Variants in PTPRB observed in about 807,000 individuals in gnomAD.
The protein encoded by PTPRB is protein tyrosine phosphatase receptor type B, also known as receptor-type tyrosine-protein phosphatase beta.
PTPRB carries 97 observed loss-of-function variants against 238.1 expected under a neutral mutation model. The observed-to-expected ratio is 0.41, with a 90% CI of 0.35 to 0.48. PTPRB has a LOEUF of 0.48. Among genes scored for constraint, PTPRB ranks in the 20% least tolerant of loss-of-function variants. The probability of loss-of-function intolerance (pLI) is 0.30; values close to 1 mark genes in which losing one functional copy is unlikely to be tolerated. For synonymous variants in PTPRB, 970 were observed against 995.4 expected (o/e 0.97, Z 0.48); for missense variants, 2,292 against 2,681.9 (o/e 0.85, Z 3.21).
intron 4 of PTPRB, among the ~76,000 whole-genome samples, chr12:70,607,200 C>T (rs1360414100): frequency 6.6e-6 from 1 of 152,218 alleles, no homozygotes; most frequent in African/African-American, 2.4e-5. Flanking sequence ...AAAAGTAAAT[C>T]CTCTGGTTTA....
rs1878171285 is a variant in PTPRB at position 70,559,444 on chromosome 12, T to C, written c.4613A>G (p.Tyr1538Cys). The change falls in exon 18 of 34, where the codon TAT becomes TGT. Residue 1538 changes from tyrosine (Y) to cysteine (C), a missense_variant. This residue lies in a region of PTPRB where 683 missense variants were observed against 862.0 expected (regional missense o/e 0.79). Coordinates refer to ENST00000334414, the MANE Select transcript of PTPRB (RefSeq NM_001109754.4). The stretch of plus-strand genomic sequence containing the variant: ...ATAGGATCTCCCTGGACGAAGACCA[T>C]ACACAATGCGTCCTTCTGATTTTCT... ...NNRKSEGRIV[Y>C]GLRPGRSYQF... 4.3e-6 allele frequency: 7 copies of C among 1,614,008 alleles called. No homozygotes were observed. Among genetic ancestry groups the C allele is most frequent in the South Asian group, 1.1e-5 (1 of 91,080 alleles).
chr12:70,635,435 G>A (rs1326040060), intron 2 of PTPRB, among the ~76,000 whole-genome samples: 1 of 152,126 alleles, frequency 6.6e-6, no homozygotes, highest in African/African-American at 2.4e-5. Context: ...AAGACAAGAA[G>A]GGAAGGAAGA....
intron 3 of PTPRB, among the ~76,000 whole-genome samples, chr12:70,616,104 ATTT>A (rs1289160970): frequency 2.6e-5 from 4 of 151,856 alleles, no homozygotes; most frequent in Non-Finnish European, 5.9e-5. Flanking sequence ...TTCTTTTTAA[ATTT>A]TTTAAATTAT....
rs745488202 is a variant in PTPRB at position 70,521,379 on chromosome 12, A to C, written c.*110T>G. 1.5e-6 allele frequency: 1 copy of C among 673,914 alleles called. No individual in the cohort carries two copies. The highest frequency in any genetic ancestry group is 2.3e-6 in the Non-Finnish European group (1 of 428,966). 41.7% of individuals were successfully genotyped at this position (673,914 alleles called of 1,614,324 possible). Reference sequence around the variant, plus strand: ...TAAACATTCTCCAGATTAATAAATTATACATAGTATCAACAGAAATAGCTG... The same window carrying C: ...TAAACATTCTCCAGATTAATAAATTCTACATAGTATCAACAGAAATAGCTG... On this transcript the variant is annotated 3_prime_UTR_variant, in exon 34 of 34. Coordinates refer to ENST00000334414, the MANE Select transcript of PTPRB (RefSeq NM_001109754.4).
intron 4 of PTPRB, 79 bp downstream of exon 4, chr12:70,608,990 T>G (rs1884194074): frequency 2.0e-6 from 3 of 1,497,078 alleles, no homozygotes; most frequent in Middle Eastern, 1.8e-4. Context: ...TCCCTGGAAC[T>G]CAAATGAAAC....
chr12:70,623,285 T>C (rs1885028934), intron 2 of PTPRB, among the ~76,000 whole-genome samples: 1 of 152,192 alleles, frequency 6.6e-6, no homozygotes, highest in African/African-American at 2.4e-5. Flanking sequence ...AATTGACTTA[T>C]AATTTATGAG....
chr12:70,609,726 G>A, intron 3 of PTPRB: 1 of 1,529,688 alleles, frequency 6.5e-7, no homozygotes, highest in Non-Finnish European at 8.8e-7. Flanking sequence ...CGGGGAGGGG[G>A]CGCATCAGCT....
At chr12:70,557,450 C>A (rs59488895) in intron 18 of PTPRB, among the ~76,000 whole-genome samples, 30,292 of 152,108 alleles carry the variant, frequency 0.2, 3,163 homozygotes, top group South Asian at 0.3. Context: ...CATGAAACAG[C>A]ACTGAGTCTC....
At chr12:70,535,440 C>G (rs1467823968) in intron 29 of PTPRB, among the ~76,000 whole-genome samples, 1 of 151,968 alleles carries the variant, frequency 6.6e-6, no homozygotes, top group Non-Finnish European at 1.5e-5. Flanking sequence ...GAACGTTTAG[C>G]TAAGCTCGCC....
At chr12:70,611,481 A>G (rs1884443561) in intron 3 of PTPRB, among the ~76,000 whole-genome samples, 1 of 151,454 alleles carries the variant, frequency 6.6e-6, no homozygotes, top group African/African-American at 2.4e-5. Context: ...TGTATTTTTA[A>G]TAGAGACAGG....
At chr12:70,597,324 A>G (rs943544644) in intron 4 of PTPRB, among the ~76,000 whole-genome samples, 6 of 152,152 alleles carry the variant, frequency 3.9e-5, no homozygotes, top group Non-Finnish European at 8.8e-5. Context: ...CCAGCTGTTC[A>G]CCTTATTTCA....
At chr12:70,564,518 CA>C (rs547350945) in intron 15 of PTPRB, among the ~76,000 whole-genome samples, 1,135 of 105,952 alleles carry the variant, frequency 0.011, 8 homozygotes, top group African/African-American at 0.029. Flanking sequence ...GACTCCATCT[CA>C]AAAAAAAAAA....
At chr12:70,532,318 A>G (rs1873386585) in intron 31 of PTPRB, 148 bp from the exon 32 acceptor site, 1 of 1,034,596 alleles carries the variant, frequency 9.7e-7, no homozygotes, top group African/African-American at 1.6e-5. Context: ...AGTTTAACCT[A>G]GAGTCCCCCA....
rs181094525 is a variant in PTPRB at position 70,537,728 on chromosome 12, C to T, written c.5946+427G>A. Among the ~76,000 whole-genome samples the T allele has an allele frequency of 9.1e-4, 139 of 152,218 alleles. 1 individual carries two copies. The East Asian group carries it at 0.02, about 22-fold the overall frequency. ...GAAAGCTTTTTCCACTGCAGTATGC[C>T]ATAGGAAGGTGGCAAGATGCTAACC... is the stretch of plus-strand genomic sequence containing the variant. On this transcript the variant is annotated intron_variant, in intron 28 of 33. Coordinates refer to ENST00000334414, the MANE Select transcript of PTPRB (RefSeq NM_001109754.4).
At chr12:70,574,757 T>C (rs1012231984) in intron 11 of PTPRB, among the ~76,000 whole-genome samples, 8 of 152,206 alleles carry the variant, frequency 5.3e-5, no homozygotes, top group African/African-American at 1.9e-4. Context: ...GTTAAACTGA[T>C]TTGTCAGGGG....
Position 70,593,453 on chromosome 12 carries a change from C to T in PTPRB, c.1517-908G>A, listed in dbSNP as rs539822658. On this transcript the variant is annotated intron_variant, in intron 6 of 33. Coordinates refer to ENST00000334414, the MANE Select transcript of PTPRB (RefSeq NM_001109754.4). Reference sequence around the variant, plus strand: ...ACTTGAACCTGGGAGGCTGAGGTTGCAGTGAGCTGAGATCGCACCATTGCA... The same window carrying T: ...ACTTGAACCTGGGAGGCTGAGGTTGTAGTGAGCTGAGATCGCACCATTGCA... 5.2e-5 allele frequency among the ~76,000 whole-genome samples: 7 copies of T among 134,532 alleles called. No homozygotes were observed. In the South Asian group the frequency reaches 1.6e-3, roughly 31 times the overall value. 88.3% of individuals were successfully genotyped at this position (134,532 alleles called of 152,430 possible). A position where few individuals can be genotyped will look rare whatever the true frequency, so the allele number is the denominator to read the frequency against.
chr12:70,619,155 G>GAA (rs1884806669), intron 3 of PTPRB, among the ~76,000 whole-genome samples: 1 of 101,566 alleles, frequency 9.8e-6, no homozygotes, highest in Admixed American at 9.9e-5. Context: ...GATGTTTAGG[G>GAA]GAGTGTGTGT....
rs112497364 is a variant in PTPRB at position 70,609,330 on chromosome 12, C to T, written c.718G>A (p.Ala240Thr). Residue 240 changes from alanine to threonine, a missense_variant, in exon 4 of 34, where the codon GCG (alanine) becomes ACG (threonine). Transcript: ENST00000334414. ...GTGAAGTTACATCTCTCTGGCTCCG[C>T]CAGTCCAGTCTGCAAAGGAATCAGA... is the stretch of plus-strand genomic sequence containing the variant. ...FSSTTEETGL[A>T]EPERCNFTLA... 4 of 1,613,796 alleles carry T rather than the reference C, an allele frequency of 2.5e-6. No individual in the cohort carries two copies. The South Asian group carries it at 4.4e-5, about 18-fold the overall frequency.
At chr12:70,540,647 T>C in intron 23 of PTPRB, 1 of 517,430 alleles carries the variant, frequency 1.9e-6, no homozygotes, top group African/African-American at 1.9e-5. Context: ...CTCAGTCCTT[T>C]GGTAAGGGCT....
Sources: gnomAD v4.1 joint callset for allele counts (sites outside exome capture counted in the v4.1 genomes callset) on GRCh38, gnomAD v4.1.1 for gene constraint, gnomAD v4.1.1 regional missense constraint, MANE v1.5 for transcripts, NCBI Gene and HGNC (gene_info 2026-07-23, HGNC 2026-07-21) for gene names.